Variants in SCUBE1 observed in about 807,000 individuals in gnomAD.
The protein encoded by SCUBE1 is signal peptide, CUB and EGF-like domain-containing protein 1.
In SCUBE1, 59 loss-of-function variants were observed where a neutral mutation model predicts 124.4. The observed-to-expected ratio is 0.47, with a 90% CI of 0.38 to 0.59. SCUBE1 has a LOEUF of 0.59. Ranked by LOEUF, SCUBE1 falls within the 20% of genes least tolerant of loss-of-function variation. The pLI is 0.00. For synonymous variants in SCUBE1, 545 were observed against 550.9 expected (o/e 0.99, Z 0.15); for missense variants, 1,150 against 1,371.2 (o/e 0.84, Z 2.55).
At chr22:43,252,953 AC>A (rs1266685490) in intron 6 of SCUBE1, among the ~76,000 whole-genome samples, 4 of 134,616 alleles carry the variant, frequency 3.0e-5, no homozygotes, top group Admixed American at 1.6e-4. Context: ...TCACCTCCCT[AC>A]CTAACTCTAT....
At chr22:43,208,325 A>G in intron 19 of SCUBE1, 101 bp from the exon 20 acceptor site, 1 of 1,096,862 alleles carries the variant, frequency 9.1e-7, no homozygotes, top group Non-Finnish European at 1.4e-6. Context: ...ACCTGCACCG[A>G]ACGCCTGGTC....
At chr22:43,320,394 T>A (rs902381259) in intron 2 of SCUBE1, among the ~76,000 whole-genome samples, 8 of 152,184 alleles carry the variant, frequency 5.3e-5, no homozygotes, top group Non-Finnish European at 1.0e-4. Context: ...ATCTCTGGAA[T>A]GAAAGAAAAG....
chr22:43,334,024 G>C (rs1184417559), intron 2 of SCUBE1, among the ~76,000 whole-genome samples: 1 of 152,184 alleles, frequency 6.6e-6, no homozygotes, highest in Non-Finnish European at 1.5e-5. Flanking sequence ...TCACAGCAAA[G>C]AGCACAGTCA....
At chr22:43,333,618 T>C (rs575396191) in intron 2 of SCUBE1, among the ~76,000 whole-genome samples, 3 of 152,270 alleles carry the variant, frequency 2.0e-5, no homozygotes, top group Admixed American at 6.5e-5. Flanking sequence ...GTGAAAATGA[T>C]AGAGAAAGTA....
chr22:43,320,024 CA>C lies in SCUBE1; in HGVS notation c.261del (p.Cys87TrpfsTer78), dbSNP rs758676090. ...ECENDYYNGG[C>X]VHECINIPGN... ...CCCGGGATGTTGATGCACTCGTGGACACAGCCCCCATTGTAGTAGTCATTCT... is the reference window on the plus strand; with the variant it reads ...CCCGGGATGTTGATGCACTCGTGGACCAGCCCCCATTGTAGTAGTCATTCT... On this transcript the variant is annotated frameshift_variant, in exon 3 of 22. Transcript: ENST00000360835. LOFTEE classifies it high-confidence loss of function. The C allele has an allele frequency of 6.2e-7, 1 of 1,614,134 alleles. No individual in the cohort carries two copies. Among genetic ancestry groups the C allele is most frequent in the Admixed American group, 1.7e-5 (1 of 60,018 alleles).
At position 43,246,136 on chromosome 22, in the gene SCUBE1, G is replaced by A. The variant is rs141839296; in HGVS notation, c.728-7182C>T. On this transcript the variant is annotated intron_variant, in intron 6 of 21. Coordinates refer to ENST00000360835, the MANE Select transcript of SCUBE1 (RefSeq NM_173050.5). The stretch of plus-strand genomic sequence containing the variant: ...GGTCCCGAGTGCCCCTTGGAGGACA[G>A]GGAGGTTTCATATTAAAGCAGGTGG... Among the ~76,000 whole-genome samples the A allele has an allele frequency of 2.2e-3, 330 of 152,300 alleles. 2 individuals carry two copies. Among genetic ancestry groups the A allele is most frequent in the African/African-American group, 7.7e-3 (322 of 41,564 alleles).
At chr22:43,261,190 T>C (rs1312122459) in intron 5 of SCUBE1, among the ~76,000 whole-genome samples, 2 of 152,224 alleles carry the variant, frequency 1.3e-5, no homozygotes, top group African/African-American at 2.4e-5. Flanking sequence ...ATTTCTGTTC[T>C]GAGGTGGCCG....
At chr22:43,214,047 G>GGGGGGGC in intron 16 of SCUBE1, 43 bp downstream of exon 16, 1 of 143,440 alleles carries the variant, frequency 7.0e-6, no homozygotes, top group Non-Finnish European at 1.3e-5. Context: ...AGGAGCCCCC[G>GGGGGGGC]CCCACCCCCC....
At chr22:43,225,229 T>C (rs1197222280) in intron 10 of SCUBE1, among the ~76,000 whole-genome samples, 1 of 150,892 alleles carries the variant, frequency 6.6e-6, no homozygotes, top group Non-Finnish European at 1.5e-5. Flanking sequence ...CACAAGCAAC[T>C]CCTCCCTTAG....
At chr22:43,308,893 A>T (rs905754803) in intron 3 of SCUBE1, among the ~76,000 whole-genome samples, 4 of 152,392 alleles carry the variant, frequency 2.6e-5, no homozygotes, top group Admixed American at 6.5e-5. Flanking sequence ...CTGAGAAATG[A>T]GATGATGTGT....
chr22:43,223,688 G>C (rs1358612288), intron 10 of SCUBE1, among the ~76,000 whole-genome samples: 1 of 152,220 alleles, frequency 6.6e-6, no homozygotes, highest in Non-Finnish European at 1.5e-5. Flanking sequence ...ATCTTTAGAG[G>C]ATGAAAAAGT....
At chr22:43,292,554 CT>C (rs1569016659) in intron 3 of SCUBE1, among the ~76,000 whole-genome samples, 2 of 130,928 alleles carry the variant, frequency 1.5e-5, no homozygotes, top group Admixed American at 8.9e-5. Context: ...TCCCCGGTCC[CT>C]AACACACACA....
intron 4 of SCUBE1, among the ~76,000 whole-genome samples, chr22:43,275,364 G>A (rs77931600): frequency 0.024 from 3,698 of 152,304 alleles, 158 homozygotes; most frequent in African/African-American, 0.086. Context: ...GGGTGTGAAG[G>A]CACTTTGTGA....
rs969824949 is a variant in SCUBE1, at chr22:43,211,683, A to C, written c.2222-600T>G. Among the ~76,000 whole-genome samples, 6 of 151,796 alleles carry C rather than the reference A, an allele frequency of 4.0e-5. No homozygotes were observed. Among genetic ancestry groups the C allele is most frequent in the African/African-American group, 1.5e-4 (6 of 41,314 alleles). Reference sequence around the variant, plus strand: ...AGGTGCACATCACCACACCCGGCTAATTATTTTTGTATTTTTTTTAAGTAG... The same window carrying C: ...AGGTGCACATCACCACACCCGGCTACTTATTTTTGTATTTTTTTTAAGTAG... On this transcript the variant is annotated intron_variant, in intron 17 of 21. Transcript: ENST00000360835. This position sits in a 1 kb window ranked among gnomAD's most constrained non-coding sequence, Gnocchi z 4.5.
At chr22:43,256,071 C>T (rs1016619136) in intron 6 of SCUBE1, among the ~76,000 whole-genome samples, 2 of 152,134 alleles carry the variant, frequency 1.3e-5, no homozygotes, top group Non-Finnish European at 2.9e-5. Context: ...GCAGAGGCTC[C>T]GTCACAGGGA....
chr22:43,325,391 C>T (rs536263954), intron 2 of SCUBE1, among the ~76,000 whole-genome samples: 7 of 142,040 alleles, frequency 4.9e-5, no homozygotes, highest in African/African-American at 1.6e-4. Context: ...TGCGATGAGC[C>T]GAGATCGCGC....
Position 43,258,989 on chromosome 22 carries a change from C to T in SCUBE1, c.611-654G>A, listed in dbSNP as rs181516147. Among the ~76,000 whole-genome samples the T allele has an allele frequency of 5.0e-3, 765 of 152,306 alleles. 3 individuals are homozygous for T. Among genetic ancestry groups the T allele is most frequent in the Non-Finnish European group, 6.8e-3 (466 of 68,030 alleles). On this transcript the variant is annotated intron_variant, in intron 5 of 21. Coordinates refer to ENST00000360835, the MANE Select transcript of SCUBE1 (RefSeq NM_173050.5). This position sits in a 1 kb window ranked among gnomAD's most constrained non-coding sequence, Gnocchi z 5.0. ...TTGAAAATCACCTAAATAATAACCA[C>T]GTTACATTGTTTTCGATGCCTGTGG...
At position 43,258,732 on chromosome 22, in the gene SCUBE1, C is replaced by T. The variant is rs1042343110; in HGVS notation, c.611-397G>A. Among the ~76,000 whole-genome samples the T allele has an allele frequency of 9.9e-5, 15 of 152,168 alleles. No homozygotes were observed. Among genetic ancestry groups the T allele is most frequent in the East Asian group, 5.8e-4 (3 of 5,192 alleles). On this transcript the variant is annotated intron_variant, in intron 5 of 21. Coordinates refer to ENST00000360835, the MANE Select transcript of SCUBE1 (RefSeq NM_173050.5). The surrounding 1 kb of genome is among the most constrained non-coding windows in gnomAD (Gnocchi z 5.0). ...TGCCAGGACATACTTGTCAAGCTGT[C>T]GGGGGAGGGACATGGCGGCCCGTGG... is the stretch of plus-strand genomic sequence containing the variant.
intron 4 of SCUBE1, chr22:43,281,827 C>T (rs925234945): frequency 3.9e-5 from 6 of 154,158 alleles, no homozygotes; most frequent in Admixed American, 2.6e-4. Flanking sequence ...GACAGGGCAC[C>T]CTTCACTGTC....
Sources: gnomAD v4.1 joint callset for allele counts (sites outside exome capture counted in the v4.1 genomes callset) on GRCh38, gnomAD v4.1.1 for gene constraint, Gnocchi (gnomAD v3.1) non-coding constraint, MANE v1.5 for transcripts, NCBI Gene and HGNC (gene_info 2026-07-23, HGNC 2026-07-21) for gene names.